The following PLA2G4D variants were observed in gnomAD, a reference collection of about 807,000 sequenced individuals.
PLA2G4D encodes cytosolic phospholipase A2 delta.
Under a neutral mutation model 94.4 loss-of-function variants are expected in PLA2G4D, and 80 were observed. The observed-to-expected ratio is 0.85, with a 90% CI of 0.71 to 1.02. PLA2G4D has a LOEUF of 1.02. Among genes scored for constraint, PLA2G4D ranks in the 50% least tolerant of loss-of-function variants. The probability of loss-of-function intolerance (pLI) is 0.00; values close to 1 mark genes in which losing one functional copy is unlikely to be tolerated. For synonymous variants in PLA2G4D, 438 were observed against 440.9 expected (o/e 0.99, Z 0.08); for missense variants, 1,050 against 1,034.7 (o/e 1.01, Z -0.20).
At chr15:42,080,879 A>AGGTG in intron 12 of PLA2G4D, 118 bp downstream of exon 12, 2 of 1,330,852 alleles carry the variant, frequency 1.5e-6, no homozygotes, top group Non-Finnish European at 2.0e-6. Flanking sequence ...CTTGGCGCCC[A>AGGTG]TCAGATCACA....
At chr15:42,081,907 T>A in intron 9 of PLA2G4D, 73 bp from the exon 10 acceptor site, 1 of 1,440,562 alleles carries the variant, frequency 6.9e-7, no homozygotes, top group Non-Finnish European at 9.6e-7. Flanking sequence ...CCTGGGGACT[T>A]GGTCCCCTTC....
In PLA2G4D at chr15:42,070,699, C is replaced by G. The variant is rs769787636; in HGVS notation, c.2043+18G>C. On this transcript the variant is annotated intron_variant, in intron 18 of 19. Transcript: ENST00000290472. The stretch of plus-strand genomic sequence containing the variant: ...GGCCTGGCTGGGCAGAGGGGTTCCC[C>G]TGGGGTGACCAGGGTACCTCGAAGG... The G allele has an allele frequency of 6.4e-7, 1 of 1,550,508 alleles. No homozygotes were observed. Among genetic ancestry groups the G allele is most frequent in the South Asian group, 1.2e-5 (1 of 83,908 alleles).
intron 12 of PLA2G4D, 120 bp downstream of exon 12, chr15:42,080,877 C>A: frequency 1.5e-6 from 2 of 1,311,532 alleles, no homozygotes; most frequent in Non-Finnish European, 2.0e-6. Context: ...TGCTTGGCGC[C>A]CATCAGATCA....
Position 42,068,214 on chromosome 15 carries a change from T to G in PLA2G4D, c.*501A>C, listed in dbSNP as rs578084351. ...AAAGAATAAAATATTTAGGAATAAA[T>G]TTAAACAAGTACAAGACTTGGATAC... is the stretch of plus-strand genomic sequence containing the variant. On this transcript the variant is annotated 3_prime_UTR_variant, in exon 20 of 20. Coordinates refer to ENST00000290472, the MANE Select transcript of PLA2G4D (RefSeq NM_178034.4). The G allele has an allele frequency of 6.5e-6, 1 of 153,014 alleles. No homozygotes were observed. Among genetic ancestry groups the G allele is most frequent in the African/African-American group, 2.4e-5 (1 of 41,544 alleles). The allele number at this position is 153,014 out of a possible 1,614,324, so 9.5% of individuals were successfully genotyped here.
At chr15:42,091,892 C>CA (rs1331957224) in intron 1 of PLA2G4D, among the ~76,000 whole-genome samples, 1 of 152,196 alleles carries the variant, frequency 6.6e-6, no homozygotes, top group Non-Finnish European at 1.5e-5. Context: ...GCCCCCTGTC[C>CA]AGTGGACACG....
At chr15:42,074,803 G>A (rs896114574) in intron 13 of PLA2G4D, among the ~76,000 whole-genome samples, 9 of 152,108 alleles carry the variant, frequency 5.9e-5, no homozygotes, top group African/African-American at 1.4e-4. Context: ...AAAATTGCCC[G>A]AAGAAAACAT....
chr15:42,076,577 A>G (rs1365402945), intron 13 of PLA2G4D, among the ~76,000 whole-genome samples: 1 of 152,228 alleles, frequency 6.6e-6, no homozygotes, highest in Non-Finnish European at 1.5e-5. Flanking sequence ...TGAATAGGTA[A>G]TTCATGGAAG....
chr15:42,087,854 A>G (rs76354757), intron 1 of PLA2G4D, among the ~76,000 whole-genome samples, 154 bp from the exon 2 acceptor site: 10,761 of 152,304 alleles, frequency 0.071, 493 homozygotes, highest in East Asian at 0.18. Context: ...CTGGGGACCA[A>G]AGAGCCTTTG....
chr15:42,070,967 A>T (rs1445522965), intron 17 of PLA2G4D, 84 bp from the exon 18 acceptor site: 1 of 1,532,964 alleles, frequency 6.5e-7, no homozygotes, highest in African/African-American at 1.4e-5. Flanking sequence ...GTCACTCCTT[A>T]AATGCCACCC....
chr15:42,070,056 G>A lies in PLA2G4D; in HGVS notation c.2083C>T (p.Leu695=). Residue 695 remains leucine, a synonymous_variant, in exon 19 of 20, where the codon CTG becomes TTG. Coordinates refer to ENST00000290472, the MANE Select transcript of PLA2G4D (RefSeq NM_178034.4). ...CTGGGTTCCACCCGGGGGAAGGGCA[G>A]CCCCCGGGCCCGGCAGTACAGCTCC... The part of the protein sequence containing the change: ...QTELYCRARG[L]PFPRVEPSPQ... 2.0e-6 allele frequency: 3 copies of A among 1,521,608 alleles called. No homozygotes were observed. The highest frequency in any genetic ancestry group is 2.7e-5 in the East Asian group (1 of 37,646). 94.3% of individuals were successfully genotyped at this position (1,521,608 alleles called of 1,614,324 possible). A position where few individuals can be genotyped will look rare whatever the true frequency, so the allele number is the denominator to read the frequency against.
intron 2 of PLA2G4D, 62 bp from the exon 3 acceptor site, chr15:42,087,498 G>T: frequency 6.2e-7 from 1 of 1,609,992 alleles, no homozygotes; most frequent in South Asian, 1.1e-5. Flanking sequence ...CATGAGCCAT[G>T]CCAGTTTCCT....
chr15:42,079,719 T>C lies in PLA2G4D; in HGVS notation c.1135A>G (p.Arg379Gly), dbSNP rs758886570. 6.2e-7 allele frequency: 1 copy of C among 1,608,042 alleles called. No individual in the cohort carries two copies. Among genetic ancestry groups the C allele is most frequent in the Non-Finnish European group, 8.5e-7 (1 of 1,177,908 alleles). Residue 379 changes from arginine (R) to glycine (G), a missense_variant, in exon 13 of 20, where the codon AGG becomes GGG. Coordinates refer to ENST00000290472, the MANE Select transcript of PLA2G4D (RefSeq NM_178034.4). Reference protein sequence around the residue: ...HLYGDPEWSQRDLEGPIRYAR... With the variant: ...HLYGDPEWSQGDLEGPIRYAR... Reference sequence around the variant, plus strand: ...TATCTGATAGGTCCCTCCAGGTCCCTCTGCGACCACTCAGGGTCCCCGTAC... The same window carrying C: ...TATCTGATAGGTCCCTCCAGGTCCCCCTGCGACCACTCAGGGTCCCCGTAC...
chr15:42,073,161 G>T lies in PLA2G4D; in HGVS notation c.1318-769C>A, dbSNP rs537143202. ...TAGCTGGGACTACAAGTTACACTTG[G>T]CTAATTTTTGCATGTTTTGTAGAGA... On this transcript the variant is annotated intron_variant, in intron 13 of 19. Coordinates refer to ENST00000290472, the MANE Select transcript of PLA2G4D (RefSeq NM_178034.4). 6.6e-5 allele frequency among the ~76,000 whole-genome samples: 10 copies of T among 152,204 alleles called. No individual in the cohort carries two copies. The East Asian group carries it at 1.9e-3, about 29-fold the overall frequency.
chr15:42,072,112 CA>C (rs1358663053), intron 14 of PLA2G4D, among the ~76,000 whole-genome samples, 162 bp downstream of exon 14: 1 of 152,200 alleles, frequency 6.6e-6, no homozygotes, highest in African/African-American at 2.4e-5. Context: ...AAGCACTACC[CA>C]CTCTCAAGCA....
At chr15:42,090,230 C>T (rs1370835402) in intron 1 of PLA2G4D, among the ~76,000 whole-genome samples, 2 of 152,156 alleles carry the variant, frequency 1.3e-5, no homozygotes, top group East Asian at 3.8e-4. Context: ...TATTCTGAGG[C>T]TTAAAATGTT....
In PLA2G4D at chr15:42,084,426, C is replaced by T. The variant is rs767003337; in HGVS notation, c.472-647G>A. On this transcript the variant is annotated intron_variant, in intron 6 of 19. Transcript: ENST00000290472. This position sits in a 1 kb window ranked among gnomAD's most constrained non-coding sequence, Gnocchi z 4.8. ...CATGTGTATTTTTAAAAGTAATACC[C>T]GTCCATCAAACAGCCCCTAGGAGCT... Among the ~76,000 whole-genome samples the T allele has an allele frequency of 6.6e-5, 10 of 152,184 alleles. No homozygotes were observed. The highest frequency in any genetic ancestry group is 1.3e-4 in the Non-Finnish European group (9 of 68,018).
At chr15:42,071,376 C>T in intron 16 of PLA2G4D, 59 bp from the exon 17 acceptor site, 1 of 1,569,142 alleles carries the variant, frequency 6.4e-7, no homozygotes, top group Non-Finnish European at 8.6e-7. Context: ...CCCTCAGACA[C>T]CGCACACCGC....
chr15:42,077,651 C>T (rs959467439), intron 13 of PLA2G4D, among the ~76,000 whole-genome samples: 2 of 152,254 alleles, frequency 1.3e-5, no homozygotes, highest in African/African-American at 4.8e-5. Context: ...AAAGACAATG[C>T]TGGCACAAGG....
Position 42,086,194 on chromosome 15 carries a change from T to TGGGGGGGC in PLA2G4D, c.387+18_387+19insGCCCCCCC. 149 of 1,370,292 alleles carry TGGGGGGGC rather than the reference T, an allele frequency of 1.1e-4. No individual in the cohort carries two copies. Among genetic ancestry groups the TGGGGGGGC allele is most frequent in the Non-Finnish European group, 1.3e-4 (136 of 1,042,934 alleles). 84.9% of individuals were successfully genotyped at this position (1,370,292 alleles called of 1,614,324 possible). On this transcript the variant is annotated intron_variant, in intron 4 of 19. Coordinates refer to ENST00000290472, the MANE Select transcript of PLA2G4D (RefSeq NM_178034.4). ...GGAAGAAGTGGGGCCCACGGGGACT[T>TGGGGGGGC]CCCCACCCACCCACCCACCTGGGGA...
Sources: gnomAD v4.1 joint callset for allele counts (sites outside exome capture counted in the v4.1 genomes callset) on GRCh38, gnomAD v4.1.1 for gene constraint, Gnocchi (gnomAD v3.1) non-coding constraint, MANE v1.5 for transcripts, NCBI Gene and HGNC (gene_info 2026-07-23, HGNC 2026-07-21) for gene names.